Variants in UBE2QL1 observed in about 807,000 individuals in gnomAD.
The protein encoded by UBE2QL1 is ubiquitin conjugating enzyme E2 QL1.
In UBE2QL1, 5 loss-of-function variants were observed where a neutral mutation model predicts 12.6. That is an observed-to-expected ratio of 0.40 (90% CI 0.21 to 0.83). The LOEUF (loss-of-function observed/expected upper bound fraction) is 0.83, where lower values mean the gene tolerates loss of function less well. Ranked by LOEUF, UBE2QL1 falls within the 40% of genes least tolerant of loss-of-function variation. The pLI is 0.37. For synonymous variants in UBE2QL1, 96 were observed against 94.5 expected (o/e 1.02, Z -0.10); for missense variants, 99 against 222.6 (o/e 0.44, Z 3.53).
Position 6,449,119 on chromosome 5 carries a change from C to T in UBE2QL1, c.226C>T (p.Leu76=), listed in dbSNP as rs1183934766. The part of the protein sequence containing the change: ...PPFMRVLSPR[L]ENGYVLDGGA... ...CTTCATGCGGGTGCTCAGCCCGCGC[C>T]TGGAGAACGGCTACGTGCTGGACGG... Residue 76 remains leucine (L), a synonymous_variant, in exon 1 of 2, where the codon CTG becomes TTG. Coordinates refer to ENST00000399816, the MANE Select transcript of UBE2QL1 (RefSeq NM_001145161.3). 2 of 1,547,290 alleles carry T rather than the reference C, an allele frequency of 1.3e-6. No individual in the cohort carries two copies. The highest frequency in any genetic ancestry group is 2.5e-5 in the East Asian group (1 of 40,610).
chr5:6,490,942 A>G (rs1319498250), intron 1 of UBE2QL1, among the ~76,000 whole-genome samples: 1 of 152,136 alleles, frequency 6.6e-6, no homozygotes, highest in Non-Finnish European at 1.5e-5. Flanking sequence ...TGGAATGAGC[A>G]AGTTCAGATT....
chr5:6,466,858 G>A (rs1358306059), intron 1 of UBE2QL1, among the ~76,000 whole-genome samples: 2 of 152,084 alleles, frequency 1.3e-5, no homozygotes, highest in Admixed American at 6.5e-5. Context: ...TTGTAATCAC[G>A]TGCCCTTGAA....
chr5:6,451,922 A>G (rs565627967), intron 1 of UBE2QL1, among the ~76,000 whole-genome samples: 2 of 152,356 alleles, frequency 1.3e-5, no homozygotes, highest in Admixed American at 1.3e-4. Context: ...CTGATTAGGT[A>G]TTCAAGGAGA....
rs968595365 is a variant in UBE2QL1 at position 6,496,471 on chromosome 5, C to T, written c.*5122C>T. On this transcript the variant is annotated 3_prime_UTR_variant, in exon 2 of 2. Coordinates refer to ENST00000399816, the MANE Select transcript of UBE2QL1 (RefSeq NM_001145161.3). ...CTGATCTGTACACCATGAGTGACTG[C>T]GAACTTTCAGACTCTCACCGCAATT... 3.3e-5 allele frequency among the ~76,000 whole-genome samples: 5 copies of T among 152,122 alleles called. No individual in the cohort carries two copies. The highest frequency in any genetic ancestry group is 1.9e-4 in the East Asian group (1 of 5,186).
intron 1 of UBE2QL1, among the ~76,000 whole-genome samples, chr5:6,466,516 A>T (rs1276039548): frequency 6.6e-6 from 1 of 152,222 alleles, no homozygotes; most frequent in East Asian, 1.9e-4. Context: ...GCGGGCAGCA[A>T]CATGGGGCCT....
At chr5:6,470,670 C>T (rs1285742795) in intron 1 of UBE2QL1, among the ~76,000 whole-genome samples, 2 of 152,194 alleles carry the variant, frequency 1.3e-5, no homozygotes, top group East Asian at 1.9e-4. Flanking sequence ...GGCTGCTGAG[C>T]CCCCAAGGGT....
chr5:6,452,681 A>G (rs1366019448), intron 1 of UBE2QL1, among the ~76,000 whole-genome samples: 1 of 152,246 alleles, frequency 6.6e-6, no homozygotes, highest in African/African-American at 2.4e-5. Flanking sequence ...TGCACCTAGT[A>G]GGTAGCTTAA....
intron 1 of UBE2QL1, among the ~76,000 whole-genome samples, chr5:6,486,341 AACACAC>A (rs527687089): frequency 2.5e-4 from 38 of 150,052 alleles, no homozygotes; most frequent in Admixed American, 2.5e-3. Context: ...CACACACACA[AACACAC>A]ACACACACTT....
Position 6,495,323 on chromosome 5 carries a change from A to G in UBE2QL1, c.*3974A>G, listed in dbSNP as rs1734647993. ...CAGTGTACCCATCCAATAGCATGCGAAATTTTAATGGAATTTGCTTTCTAA... is the reference window on the plus strand; with the variant it reads ...CAGTGTACCCATCCAATAGCATGCGGAATTTTAATGGAATTTGCTTTCTAA... On this transcript the variant is annotated 3_prime_UTR_variant, in exon 2 of 2. Transcript: ENST00000399816. 6.6e-6 allele frequency among the ~76,000 whole-genome samples: 1 copy of G among 152,188 alleles called. No homozygotes were observed. Among genetic ancestry groups the G allele is most frequent in the African/African-American group, 2.4e-5 (1 of 41,438 alleles).
intron 1 of UBE2QL1, among the ~76,000 whole-genome samples, chr5:6,469,467 G>A (rs1359942278): frequency 6.8e-6 from 1 of 147,098 alleles, no homozygotes; most frequent in Non-Finnish European, 1.5e-5. Flanking sequence ...ATAAGCTATG[G>A]TGTTGAGCTA....
At chr5:6,477,231 C>T (rs1377241065) in intron 1 of UBE2QL1, among the ~76,000 whole-genome samples, 3 of 152,250 alleles carry the variant, frequency 2.0e-5, no homozygotes, top group Non-Finnish European at 4.4e-5. Context: ...TTGGCCTGGC[C>T]GTGACCTCCT....
Position 6,492,502 on chromosome 5 carries a change from T to C in UBE2QL1, c.*1153T>C, listed in dbSNP as rs772512558. On this transcript the variant is annotated 3_prime_UTR_variant, in exon 2 of 2. Coordinates refer to ENST00000399816, the MANE Select transcript of UBE2QL1 (RefSeq NM_001145161.3). ...GAAACTCCATGAAATGAGGAAATAC[T>C]GTTTCTAATAATATGAGGAAAGAAG... 2.0e-5 allele frequency: 3 copies of C among 152,234 alleles called. No individual in the cohort carries two copies. The highest frequency in any genetic ancestry group is 2.9e-5 in the Non-Finnish European group (2 of 68,044). 9.4% of individuals were successfully genotyped at this position (152,234 alleles called of 1,614,324 possible).
At chr5:6,464,068 G>A (rs992134768) in intron 1 of UBE2QL1, among the ~76,000 whole-genome samples, 17 of 152,128 alleles carry the variant, frequency 1.1e-4, no homozygotes, top group African/African-American at 4.1e-4. Flanking sequence ...TGCCTCCCGG[G>A]TTCAAGTGAT....
intron 1 of UBE2QL1, among the ~76,000 whole-genome samples, chr5:6,472,553 A>G (rs577015973): frequency 2.0e-5 from 3 of 152,266 alleles, no homozygotes; most frequent in South Asian, 4.2e-4. Context: ...ATCACGCTGC[A>G]TACTTGTCAG....
intron 1 of UBE2QL1, among the ~76,000 whole-genome samples, chr5:6,486,109 T>C (rs1462422469): frequency 6.6e-6 from 1 of 152,240 alleles, no homozygotes; most frequent in Non-Finnish European, 1.5e-5. Context: ...AAAGCATCTT[T>C]TATGTTTTAA....
rs1734607175 is a variant in UBE2QL1 at position 6,493,105 on chromosome 5, A to G, written c.*1756A>G. On this transcript the variant is annotated 3_prime_UTR_variant, in exon 2 of 2. Transcript: ENST00000399816. Reference sequence around the variant, plus strand: ...CAGACCAAAATGACAGTGTATTAAGAATGCAGGGCCTGCTCAGCTTCCCTG... The same window carrying G: ...CAGACCAAAATGACAGTGTATTAAGGATGCAGGGCCTGCTCAGCTTCCCTG... 1 of 152,252 alleles carries G rather than the reference A, an allele frequency of 6.6e-6. No individual in the cohort carries two copies. Among genetic ancestry groups the G allele is most frequent in the Non-Finnish European group, 1.5e-5 (1 of 68,044 alleles). The allele number at this position is 152,252 out of a possible 1,614,324, so 9.4% of individuals were successfully genotyped here.
At chr5:6,469,378 T>C (rs1403272065) in intron 1 of UBE2QL1, among the ~76,000 whole-genome samples, 1 of 150,590 alleles carries the variant, frequency 6.6e-6, no homozygotes, top group African/African-American at 2.4e-5. Context: ...TATATGTATA[T>C]GAACATAATC....
intron 1 of UBE2QL1, among the ~76,000 whole-genome samples, chr5:6,480,358 G>A (rs1734334583): frequency 6.6e-6 from 1 of 152,232 alleles, no homozygotes; most frequent in Non-Finnish European, 1.5e-5. Context: ...GGTTCAGTGA[G>A]AGTGTTTGCC....
chr5:6,464,988 T>C (rs943948273), intron 1 of UBE2QL1, among the ~76,000 whole-genome samples: 1 of 151,630 alleles, frequency 6.6e-6, no homozygotes, highest in African/African-American at 2.4e-5. Context: ...TTAGTTTTTA[T>C]TCTTTTTTTT....
Sources: gnomAD v4.1 joint callset for allele counts (sites outside exome capture counted in the v4.1 genomes callset) on GRCh38, gnomAD v4.1.1 for gene constraint, MANE v1.5 for transcripts, NCBI Gene and HGNC (gene_info 2026-07-23, HGNC 2026-07-21) for gene names.